ADAMTSL1: variants seen among roughly 807,000 people sequenced by gnomAD.
The protein encoded by ADAMTSL1 is ADAMTS-like protein 1.
In ADAMTSL1, 126 loss-of-function variants were observed where a neutral mutation model predicts 201.8. The observed-to-expected ratio is 0.62, with a 90% CI of 0.54 to 0.72. The LOEUF (loss-of-function observed/expected upper bound fraction) is 0.72. Ranked by LOEUF, ADAMTSL1 falls within the 30% of genes least tolerant of loss-of-function variation. ADAMTSL1 has a pLI of 0.00. For synonymous variants in ADAMTSL1, 1,121 were observed against 903.4 expected, an observed-to-expected ratio of 1.24 and a Z score of -4.32; for missense variants, 2,679 against 2,277.8, an observed-to-expected ratio of 1.18 and a Z score of -3.59.
At chr9:18,380,995 A>G (rs746282517) in intron 2 of ADAMTSL1, among the ~76,000 whole-genome samples, 9 of 152,162 alleles carry the variant, frequency 5.9e-5, no homozygotes, top group Admixed American at 1.3e-4. Context: ...CTGCTAGTTC[A>G]TCTCCTCTGT....
intron 23 of ADAMTSL1, among the ~76,000 whole-genome samples, chr9:18,848,330 T>C (rs1826264493): frequency 6.6e-6 from 1 of 152,262 alleles, no homozygotes; most frequent in Admixed American, 6.5e-5. Flanking sequence ...TACTTCTCCG[T>C]CTTCTACAAC....
intron 1 of ADAMTSL1, among the ~76,000 whole-genome samples, chr9:17,966,431 C>A (rs111558155): frequency 6.6e-6 from 1 of 152,158 alleles, no homozygotes; most frequent in Non-Finnish European, 1.5e-5. Flanking sequence ...ACTCAGAAGC[C>A]TCTTCATGTG....
chr9:18,766,859 G>A (rs552288129), intron 16 of ADAMTSL1, among the ~76,000 whole-genome samples: 6 of 152,292 alleles, frequency 3.9e-5, no homozygotes, highest in African/African-American at 1.4e-4. Context: ...GTGAATTTAG[G>A]GGAGTGGCAG....
Position 18,216,741 on chromosome 9 carries a change from C to G in ADAMTSL1, c.207+52760C>G, listed in dbSNP as rs966968963. ...TTAGTTTTTTTCTCCTCCCTTCTAC[C>G]CTGTCCTCTTGGTGAATGCTGACTC... On this transcript the variant is annotated intron_variant, in intron 2 of 29. Transcript: ENST00000680146. 2.0e-5 allele frequency among the ~76,000 whole-genome samples: 3 copies of G among 151,532 alleles called. 1 individual carries two copies. In the South Asian group the frequency reaches 6.3e-4, roughly 32 times the overall value.
intron 1 of ADAMTSL1, among the ~76,000 whole-genome samples, chr9:18,110,764 G>T (rs1201985936): frequency 6.6e-6 from 1 of 152,046 alleles, no homozygotes; most frequent in Non-Finnish European, 1.5e-5. Context: ...AAAGGCTCAG[G>T]GCCAGTTTCT....
At chr9:18,720,263 A>G (rs550360402) in intron 14 of ADAMTSL1, among the ~76,000 whole-genome samples, 225 of 152,334 alleles carry the variant, frequency 1.5e-3, no homozygotes, top group African/African-American at 5.1e-3. Flanking sequence ...TTACAACTGT[A>G]TGAACTTAAG....
intron 2 of ADAMTSL1, among the ~76,000 whole-genome samples, chr9:18,418,151 T>C (rs1483618247): frequency 2.0e-5 from 3 of 152,214 alleles, no homozygotes; most frequent in East Asian, 3.8e-4. Flanking sequence ...TATTTATTCA[T>C]GATAAAATCT....
chr9:18,134,823 T>A (rs10963470), intron 1 of ADAMTSL1, among the ~76,000 whole-genome samples: 66,993 of 152,078 alleles, frequency 0.44, 15,987 homozygotes, highest in Non-Finnish European at 0.53. Flanking sequence ...GGAGACAGAC[T>A]CTTCCTTTAG....
At chr9:18,707,699 A>G (rs548548785) in intron 14 of ADAMTSL1, among the ~76,000 whole-genome samples, 1 of 152,350 alleles carries the variant, frequency 6.6e-6, no homozygotes, top group East Asian at 1.9e-4. Flanking sequence ...GAGCCTTTCC[A>G]TCATACCACA....
At chr9:18,623,975 G>A (rs768900421) in intron 5 of ADAMTSL1, among the ~76,000 whole-genome samples, 7 of 152,152 alleles carry the variant, frequency 4.6e-5, no homozygotes, top group Non-Finnish European at 1.0e-4. Flanking sequence ...AGGAAGAAAG[G>A]CAGATGCAGT....
intron 2 of ADAMTSL1, among the ~76,000 whole-genome samples, chr9:18,336,514 G>T (rs2132939323): frequency 6.6e-6 from 1 of 152,090 alleles, no homozygotes; most frequent in Non-Finnish European, 1.5e-5. Context: ...CAATCTGCAG[G>T]GCTAAATATG....
At position 18,034,313 on chromosome 9, in the gene ADAMTSL1, C is replaced by T. The variant is rs193069457; in HGVS notation, c.87+127391C>T. On this transcript the variant is annotated intron_variant, in intron 1 of 29. Transcript: ENST00000680146. ...CCTGTGGCTCCACTGAAACTCCTTT[C>T]TTTAAACATCACTCTTACTTTCTAA... 7.7e-4 allele frequency among the ~76,000 whole-genome samples: 117 copies of T among 152,204 alleles called. 1 individual carries two copies. Among genetic ancestry groups the T allele is most frequent in the Non-Finnish European group, 7.4e-5 (5 of 68,012 alleles).
intron 17 of ADAMTSL1, among the ~76,000 whole-genome samples, chr9:18,771,473 G>C (rs536360977): frequency 6.6e-6 from 1 of 152,230 alleles, no homozygotes; most frequent in South Asian, 2.1e-4. Flanking sequence ...TTTACACCTA[G>C]CTTCAAGTCC....
chr9:18,184,187 A>T (rs1479416815), intron 2 of ADAMTSL1, among the ~76,000 whole-genome samples: 1 of 152,188 alleles, frequency 6.6e-6, no homozygotes, highest in East Asian at 1.9e-4. Flanking sequence ...TAACTGCTCC[A>T]AAGAGTGTAA....
intron 2 of ADAMTSL1, among the ~76,000 whole-genome samples, chr9:18,260,881 T>G (rs1831892597): frequency 6.6e-6 from 1 of 152,178 alleles, no homozygotes; most frequent in African/African-American, 2.4e-5. Context: ...GTGGTTTTAC[T>G]TTACTGTTAA....
At chr9:17,918,006 G>T (rs1826166910) in intron 1 of ADAMTSL1, among the ~76,000 whole-genome samples, 1 of 151,814 alleles carries the variant, frequency 6.6e-6, no homozygotes, top group Non-Finnish European at 1.5e-5. Flanking sequence ...AGGCTATGTA[G>T]TTATATTACC....
At chr9:18,332,546 G>C (rs73643241) in intron 2 of ADAMTSL1, among the ~76,000 whole-genome samples, 5,665 of 152,124 alleles carry the variant, frequency 0.037, 376 homozygotes, top group African/African-American at 0.13. Flanking sequence ...GACCTCTCAG[G>C]CTCCAGCAAT....
intron 2 of ADAMTSL1, among the ~76,000 whole-genome samples, chr9:18,388,303 C>G (rs991928943): frequency 1.6e-4 from 24 of 152,014 alleles, no homozygotes; most frequent in Non-Finnish European, 2.8e-4. Flanking sequence ...CAGGGTCTCA[C>G]TCTGTCTTCC....
At chr9:18,784,857 C>A (rs1821607986) in intron 19 of ADAMTSL1, among the ~76,000 whole-genome samples, 1 of 152,170 alleles carries the variant, frequency 6.6e-6, no homozygotes, top group African/African-American at 2.4e-5. Flanking sequence ...CGCTCAAAGT[C>A]TCTCACTTAA....
Sources: allele counts gnomAD v4.1 joint callset (sites outside exome capture counted in the v4.1 genomes callset), GRCh38; gene constraint gnomAD v4.1.1; transcripts MANE v1.5; gene names NCBI Gene and HGNC (gene_info 2026-07-23, HGNC 2026-07-21).